MACROD2: variants seen among roughly 807,000 people sequenced by gnomAD.
MACROD2 encodes mono-ADP ribosylhydrolase 2, also known as ADP-ribose glycohydrolase MACROD2.
In MACROD2, 36 loss-of-function variants were observed where a neutral mutation model predicts 70.4. The ratio of observed to expected loss-of-function variants is 0.51; its 90% CI spans 0.39 to 0.68. MACROD2 has a LOEUF of 0.68. Ranked by LOEUF, MACROD2 falls within the 30% of genes least tolerant of loss-of-function variation. MACROD2 has a pLI of 0.00. For synonymous variants in MACROD2, 172 were observed against 178.8 expected (o/e 0.96, Z 0.30); for missense variants, 496 against 538.4 (o/e 0.92, Z 0.78).
At chr20:15,263,118 A>G (rs937145493) in intron 6 of MACROD2, among the ~76,000 whole-genome samples, 10 of 152,042 alleles carry the variant, frequency 6.6e-5, no homozygotes, top group Non-Finnish European at 1.3e-4. Context: ...CTTTGCCCAG[A>G]CCAATGTCCT....
At chr20:15,986,916 T>C in intron 14 of MACROD2, 115 bp downstream of exon 14, 1 of 1,022,478 alleles carries the variant, frequency 9.8e-7, no homozygotes, top group Non-Finnish European at 1.5e-6. Flanking sequence ...CAATGATTAC[T>C]GGAGGATAGC....
intron 4 of MACROD2, among the ~76,000 whole-genome samples, chr20:14,556,596 T>C (rs1443027267): frequency 6.6e-6 from 1 of 152,064 alleles, no homozygotes; most frequent in African/African-American, 2.4e-5. Flanking sequence ...CTCCATGATT[T>C]CAGTGGTGCT....
At chr20:15,807,017 G>C (rs12480702) in intron 8 of MACROD2, among the ~76,000 whole-genome samples, 11,777 of 152,254 alleles carry the variant, frequency 0.077, 1,022 homozygotes, top group East Asian at 0.31. Flanking sequence ...TGGAGGAGAC[G>C]AGGATCTTTG....
At chr20:15,898,378 C>T (rs570772976) in intron 10 of MACROD2, among the ~76,000 whole-genome samples, 1 of 151,992 alleles carries the variant, frequency 6.6e-6, no homozygotes, top group East Asian at 1.9e-4. Flanking sequence ...GGTGAAACCC[C>T]CGTCTCTACT....
intron 2 of MACROD2, among the ~76,000 whole-genome samples, chr20:14,036,334 T>C (rs898401537): frequency 7.2e-5 from 11 of 152,332 alleles, no homozygotes; most frequent in South Asian, 6.2e-4. Flanking sequence ...AGTACATTTT[T>C]GCTTAGTGTA....
chr20:14,083,669 TG>T (rs1569151276), intron 2 of MACROD2, among the ~76,000 whole-genome samples: 1 of 152,096 alleles, frequency 6.6e-6, no homozygotes, highest in South Asian at 2.1e-4. Flanking sequence ...TCAACTCAAG[TG>T]TAAGTATTTT....
chr20:15,269,262 T>G (rs1055531965), intron 6 of MACROD2, among the ~76,000 whole-genome samples: 4 of 152,244 alleles, frequency 2.6e-5, no homozygotes, highest in African/African-American at 9.6e-5. Context: ...TAAGCATGCA[T>G]GGCCAGGCTG....
intron 3 of MACROD2, among the ~76,000 whole-genome samples, chr20:14,251,965 C>T (rs528697208): frequency 6.6e-6 from 1 of 152,120 alleles, no homozygotes; most frequent in Admixed American, 6.5e-5. Flanking sequence ...ACAGTACTCA[C>T]TTTAAAAAAA....
rs1484759348 is a variant in MACROD2, at chr20:14,019,661, GA to G, written c.163+17261del. Among the ~76,000 whole-genome samples, 12 of 152,020 alleles carry G rather than the reference GA, an allele frequency of 7.9e-5. No individual in the cohort carries two copies. In the East Asian group the frequency reaches 2.3e-3, roughly 29 times the overall value. On this transcript the variant is annotated intron_variant, in intron 2 of 17. Coordinates refer to ENST00000684519, the MANE Select transcript of MACROD2 (RefSeq NM_001351661.2). The stretch of plus-strand genomic sequence containing the variant: ...GTTCGGGATGAAATATAGGGGTGTG[GA>G]AAATGGTCCTCATGTGCTGAGTCTG...
intron 3 of MACROD2, among the ~76,000 whole-genome samples, chr20:14,336,337 T>C (rs1326264784): frequency 6.6e-6 from 1 of 152,094 alleles, no homozygotes; most frequent in African/African-American, 2.4e-5. Flanking sequence ...AAAATCAATT[T>C]TTTTTCTTTT....
At chr20:15,295,287 G>A (rs1483024584) in intron 6 of MACROD2, among the ~76,000 whole-genome samples, 1 of 152,068 alleles carries the variant, frequency 6.6e-6, no homozygotes, top group South Asian at 2.1e-4. Context: ...TCCCAGTCTC[G>A]GGTATTTCTT....
chr20:15,887,852 C>A (rs2064841643), intron 10 of MACROD2, among the ~76,000 whole-genome samples: 1 of 152,084 alleles, frequency 6.6e-6, no homozygotes, highest in Non-Finnish European at 1.5e-5. Context: ...ATTTTACATT[C>A]TTCTTTTTTC....
chr20:15,572,436 G>C (rs1375293766), intron 8 of MACROD2, among the ~76,000 whole-genome samples: 1 of 151,972 alleles, frequency 6.6e-6, no homozygotes. Flanking sequence ...GTTAATTTCT[G>C]AAAAGCAGAA....
intron 8 of MACROD2, among the ~76,000 whole-genome samples, chr20:15,686,045 A>G (rs920749452): frequency 1.3e-5 from 2 of 152,238 alleles, no homozygotes; most frequent in African/African-American, 4.8e-5. Flanking sequence ...GAAGGATGAA[A>G]TGAATAGGGC....
At chr20:14,393,829 G>T (rs1427425396) in intron 3 of MACROD2, among the ~76,000 whole-genome samples, 2 of 152,116 alleles carry the variant, frequency 1.3e-5, no homozygotes, top group Non-Finnish European at 2.9e-5. Context: ...TCTTTGTCAG[G>T]TAATTAGGTT....
At chr20:14,437,932 C>T (rs932994077) in intron 3 of MACROD2, among the ~76,000 whole-genome samples, 1 of 151,944 alleles carries the variant, frequency 6.6e-6, no homozygotes, top group African/African-American at 2.4e-5. Flanking sequence ...ACATAGTTAC[C>T]CATTCCCCCT....
At chr20:15,399,181 A>G (rs1423553838) in intron 6 of MACROD2, among the ~76,000 whole-genome samples, 1 of 152,228 alleles carries the variant, frequency 6.6e-6, no homozygotes, top group Non-Finnish European at 1.5e-5. Context: ...GGAAATGGAT[A>G]TTAGACAGGC....
At chr20:15,831,416 G>T (rs2064054865) in intron 8 of MACROD2, among the ~76,000 whole-genome samples, 1 of 152,210 alleles carries the variant, frequency 6.6e-6, no homozygotes. Context: ...AAGAGTTAGT[G>T]CAATGTCTGG....
At chr20:15,474,906 C>A (rs560664290) in intron 7 of MACROD2, among the ~76,000 whole-genome samples, 106 of 152,180 alleles carry the variant, frequency 7.0e-4, no homozygotes, top group Non-Finnish European at 1.3e-3. Context: ...GTAGGAATCA[C>A]CGTTGTACTC....
Sources: allele counts gnomAD v4.1 joint callset (sites outside exome capture counted in the v4.1 genomes callset), GRCh38; gene constraint gnomAD v4.1.1; transcripts MANE v1.5; gene names NCBI Gene and HGNC (gene_info 2026-07-23, HGNC 2026-07-21).